The following PYGB variants were observed in gnomAD, a reference collection of about 807,000 sequenced individuals.
The protein encoded by PYGB is glycogen phosphorylase B.
In PYGB, 82 loss-of-function variants were observed where a neutral mutation model predicts 94.3. The observed-to-expected ratio is 0.87, with a 90% confidence interval of 0.73 to 1.04. The LOEUF is 1.04. Ranked by LOEUF, PYGB falls within the 50% of genes least tolerant of loss-of-function variation. PYGB has a pLI of 0.00. For missense variants in PYGB, 1,132 were observed against 1,158.2 expected, an observed-to-expected ratio of 0.98 and a Z score of 0.33; for synonymous variants, 488 against 479.1, an observed-to-expected ratio of 1.02 and a Z score of -0.24.
At chr20:25,277,361 G>T in intron 7 of PYGB, 35 bp downstream of exon 7, 3 of 1,518,872 alleles carry the variant, frequency 2.0e-6, no homozygotes, top group Admixed American at 1.7e-5. Flanking sequence ...TGCTCAGGCC[G>T]TATCGCTTTC....
At position 25,277,324 on chromosome 20, in the gene PYGB, A is replaced by G. The variant is rs768381953; in HGVS notation, c.853A>G (p.Asn285Asp). 6.4e-7 allele frequency: 1 copy of G among 1,557,854 alleles called. No homozygotes were observed. The highest frequency in any genetic ancestry group is 1.1e-5 in the South Asian group (1 of 89,924). ...CTCCAGGGTCCTGTATCCAAATGAT[A>G]ACGTGAGTAGCTGGCCTGGGCACTC... ...NISRVLYPNDNFFEGKELRLK... is the reference protein window; with the variant it reads ...NISRVLYPNDDFFEGKELRLK... Residue 285 changes from asparagine to aspartate, a missense_variant and splice_region_variant, in exon 7 of 20, where the codon AAC becomes GAC. By Grantham distance (23) the Asn-to-Asp change is conservative. Coordinates refer to ENST00000216962, the MANE Select transcript of PYGB (RefSeq NM_002862.4).
chr20:25,284,592 G>T (rs1423419032), intron 14 of PYGB, among the ~76,000 whole-genome samples: 7 of 152,150 alleles, frequency 4.6e-5, no homozygotes, highest in Admixed American at 4.6e-4. Flanking sequence ...ACGCCACTAT[G>T]CCCTTGTATT....
At chr20:25,282,553 G>A (rs1302393883) in intron 12 of PYGB, among the ~76,000 whole-genome samples, 3 of 152,276 alleles carry the variant, frequency 2.0e-5, no homozygotes, top group East Asian at 1.9e-4. Flanking sequence ...AGGACCAGCC[G>A]CTGGGAGGGT....
At chr20:25,258,006 A>G (rs2092906005) in intron 1 of PYGB, among the ~76,000 whole-genome samples, 1 of 152,240 alleles carries the variant, frequency 6.6e-6, no homozygotes, top group Non-Finnish European at 1.5e-5. Flanking sequence ...TATAGCGGCT[A>G]TGAGGACTCA....
At chr20:25,280,030 C>T (rs758037703) in intron 9 of PYGB, among the ~76,000 whole-genome samples, 2 of 152,222 alleles carry the variant, frequency 1.3e-5, no homozygotes, top group Admixed American at 1.3e-4. Context: ...GTGTGTGTCA[C>T]GCACTGGACC....
chr20:25,296,168 C>T (rs1160328336), intron 19 of PYGB, among the ~76,000 whole-genome samples: 1 of 152,110 alleles, frequency 6.6e-6, no homozygotes, highest in African/African-American at 2.4e-5. Context: ...CTCCTTGCTC[C>T]CTAGATCTAG....
intron 3 of PYGB, among the ~76,000 whole-genome samples, chr20:25,270,206 GTTTTT>G (rs1166786019): frequency 1.8e-5 from 2 of 111,912 alleles, no homozygotes; most frequent in Non-Finnish European, 1.7e-5. Flanking sequence ...GTTTTGTTTT[GTTTTT>G]TTTTTTTTTG....
In PYGB at chr20:25,277,383, G is replaced by C. The variant is rs945229637; in HGVS notation, c.855+57G>C. The C allele has an allele frequency of 9.3e-6, 14 of 1,499,158 alleles. No individual in the cohort carries two copies. In the African/African-American group the frequency reaches 1.8e-4, roughly 19 times the overall value. 92.9% of individuals were successfully genotyped at this position (1,499,158 alleles called of 1,614,324 possible). A position where few individuals can be genotyped will look rare whatever the true frequency, so the allele number is the denominator to read the frequency against. ...GCCGTATCGCTTTCTGGCATAGAGAGGTGGGCTGGCTGGCCGGGCTCCCCA... is the reference window on the plus strand; with the variant it reads ...GCCGTATCGCTTTCTGGCATAGAGACGTGGGCTGGCTGGCCGGGCTCCCCA... On this transcript the variant is annotated intron_variant, in intron 7 of 19. Coordinates refer to ENST00000216962, the MANE Select transcript of PYGB (RefSeq NM_002862.4).
chr20:25,280,434 C>T (rs200244520), intron 10 of PYGB, 22 bp downstream of exon 10: 15 of 1,612,256 alleles, frequency 9.3e-6, no homozygotes, highest in African/African-American at 2.7e-5. Flanking sequence ...CCCAGCTGGC[C>T]GTGTAGGGTG....
rs1392090514 is a variant in PYGB at position 25,277,341 on chromosome 20, T to A, written c.855+15T>A. On this transcript the variant is annotated intron_variant, in intron 7 of 19. Coordinates refer to ENST00000216962, the MANE Select transcript of PYGB (RefSeq NM_002862.4). ...CAAATGATAACGTGAGTAGCTGGCCTGGGCACTCTTGCTCAGGCCGTATCG... is the reference window on the plus strand; with the variant it reads ...CAAATGATAACGTGAGTAGCTGGCCAGGGCACTCTTGCTCAGGCCGTATCG... 6.5e-7 allele frequency: 1 copy of A among 1,537,624 alleles called. No homozygotes were observed. Among genetic ancestry groups the A allele is most frequent in the Non-Finnish European group, 9.0e-7 (1 of 1,110,576 alleles).
At chr20:25,270,003 C>T (rs1229909195) in intron 3 of PYGB, among the ~76,000 whole-genome samples, 1 of 152,158 alleles carries the variant, frequency 6.6e-6, no homozygotes, top group African/African-American at 2.4e-5. Context: ...CAGCACTGAG[C>T]CCGCCATGGC....
chr20:25,288,020 A>C (rs2088432663), intron 14 of PYGB, among the ~76,000 whole-genome samples: 1 of 152,150 alleles, frequency 6.6e-6, no homozygotes, highest in East Asian at 1.9e-4. Flanking sequence ...TGTGCCCTTC[A>C]TGTACAGGGG....
chr20:25,288,321 C>T (rs760128160), intron 14 of PYGB, 104 bp from the exon 15 acceptor site: 11 of 1,265,118 alleles, frequency 8.7e-6, no homozygotes, highest in Admixed American at 3.4e-5. Flanking sequence ...CATGGCGGAG[C>T]GTGCCTGTCC....
chr20:25,271,165 C>T (rs568953400), intron 3 of PYGB, among the ~76,000 whole-genome samples: 1 of 152,114 alleles, frequency 6.6e-6, no homozygotes, highest in East Asian at 1.9e-4. Context: ...CATCCCCCCC[C>T]ATCCTCCCAC....
intron 1 of PYGB, among the ~76,000 whole-genome samples, chr20:25,257,431 A>G (rs1014530276): frequency 2.0e-5 from 3 of 152,254 alleles, no homozygotes; most frequent in African/African-American, 7.2e-5. Context: ...ACAAACAGAG[A>G]TAATCAAGCT....
At chr20:25,294,630 T>G (rs76209012) in intron 18 of PYGB, 2 of 548,674 alleles carry the variant, frequency 3.6e-6, no homozygotes, top group East Asian at 6.5e-5. Flanking sequence ...AGAGGGAGCA[T>G]GGGCCCAAAA....
chr20:25,277,984 A>C (rs1288056425), intron 7 of PYGB, among the ~76,000 whole-genome samples: 2 of 152,224 alleles, frequency 1.3e-5, no homozygotes, highest in Non-Finnish European at 2.9e-5. Flanking sequence ...AAGGCTCATC[A>C]AAGAGTGCAC....
chr20:25,277,372 TG>T, intron 7 of PYGB, 46 bp downstream of exon 7: 7 of 1,512,938 alleles, frequency 4.6e-6, no homozygotes, highest in Non-Finnish European at 6.4e-6. Flanking sequence ...TATCGCTTTC[TG>T]GCATAGAGAG....
At chr20:25,258,197 T>C (rs1011947149) in intron 1 of PYGB, among the ~76,000 whole-genome samples, 3 of 152,374 alleles carry the variant, frequency 2.0e-5, no homozygotes, top group Non-Finnish European at 2.9e-5. Context: ...TCTTAAGTTA[T>C]GTATTAAAAA....
Sources: allele counts gnomAD v4.1 joint callset (sites outside exome capture counted in the v4.1 genomes callset), GRCh38; gene constraint gnomAD v4.1.1; transcripts MANE v1.5; gene names NCBI Gene and HGNC (gene_info 2026-07-23, HGNC 2026-07-21).